SYN3: variants seen among roughly 807,000 people sequenced by gnomAD.
The protein encoded by SYN3 is synapsin III.
Under a neutral mutation model 65.8 loss-of-function variants are expected in SYN3, and 35 were observed. The observed-to-expected ratio is 0.53, with a 90% confidence interval of 0.41 to 0.70. The LOEUF (loss-of-function observed/expected upper bound fraction) is 0.70. Among genes scored for constraint, SYN3 ranks in the 30% least tolerant of loss-of-function variants. The pLI is 0.00. For synonymous variants in SYN3, 270 were observed against 292.9 expected (o/e 0.92, Z 0.80); for missense variants, 680 against 749.0 (o/e 0.91, Z 1.08).
intron 1 of SYN3, among the ~76,000 whole-genome samples, chr22:33,021,597 T>G (rs911325659): frequency 2.0e-5 from 3 of 152,204 alleles, no homozygotes; most frequent in Admixed American, 1.3e-4. Flanking sequence ...CACTGTCTGT[T>G]CCTTCATCTG....
chr22:33,046,615 G>T (rs1323033961), intron 1 of SYN3, among the ~76,000 whole-genome samples: 1 of 152,014 alleles, frequency 6.6e-6, no homozygotes, highest in Non-Finnish European at 1.5e-5. Flanking sequence ...GGCCGAGGCA[G>T]GTGGATCACG....
At chr22:32,765,132 G>A (rs1440972199) in intron 6 of SYN3, among the ~76,000 whole-genome samples, 1 of 152,106 alleles carries the variant, frequency 6.6e-6, no homozygotes, top group African/African-American at 2.4e-5. Context: ...GAGAGTGTGT[G>A]AGTGTGGACT....
intron 4 of SYN3, among the ~76,000 whole-genome samples, chr22:32,883,489 G>A (rs1362679158): frequency 6.6e-6 from 1 of 152,142 alleles, no homozygotes; most frequent in African/African-American, 2.4e-5. Flanking sequence ...CTAGTTTAGT[G>A]GCTCGCCAAT....
chr22:32,735,784 T>A (rs2061330291), intron 6 of SYN3, among the ~76,000 whole-genome samples: 2 of 152,218 alleles, frequency 1.3e-5, no homozygotes, highest in South Asian at 4.1e-4. Context: ...CATCCTTTTA[T>A]GAGCTAATAT....
At chr22:32,770,120 C>A (rs1398047268) in intron 6 of SYN3, among the ~76,000 whole-genome samples, 2 of 152,118 alleles carry the variant, frequency 1.3e-5, no homozygotes, top group South Asian at 2.1e-4. Context: ...CTTGGAGTCA[C>A]CCTTAACTTT....
At chr22:32,990,810 G>A (rs889224622) in intron 2 of SYN3, among the ~76,000 whole-genome samples, 4 of 152,168 alleles carry the variant, frequency 2.6e-5, no homozygotes, top group Admixed American at 2.0e-4. Flanking sequence ...TACTTTGGGA[G>A]GCTGAGGTGG....
intron 6 of SYN3, among the ~76,000 whole-genome samples, chr22:32,812,629 TCA>T (rs2046945616): frequency 6.6e-6 from 1 of 152,220 alleles, no homozygotes. Flanking sequence ...GAGCAGTGCC[TCA>T]CTCTGGAAAA....
At chr22:32,770,336 C>G (rs1159532388) in intron 6 of SYN3, among the ~76,000 whole-genome samples, 1 of 152,198 alleles carries the variant, frequency 6.6e-6, no homozygotes, top group African/African-American at 2.4e-5. Context: ...AAATGCCACT[C>G]TTCTGCTCAA....
At chr22:32,800,335 C>G (rs1191264877) in intron 6 of SYN3, among the ~76,000 whole-genome samples, 1 of 152,158 alleles carries the variant, frequency 6.6e-6, no homozygotes, top group Non-Finnish European at 1.5e-5. Context: ...GATGGAACAG[C>G]TGCTGACGTT....
chr22:32,985,476 C>T (rs943847769), intron 2 of SYN3, among the ~76,000 whole-genome samples: 1 of 152,208 alleles, frequency 6.6e-6, no homozygotes, highest in African/African-American at 2.4e-5. Flanking sequence ...CCAGACCCTT[C>T]ACATCCTTCC....
At chr22:32,923,697 A>G (rs2050394173) in intron 4 of SYN3, among the ~76,000 whole-genome samples, 2 of 152,106 alleles carry the variant, frequency 1.3e-5, no homozygotes, top group African/African-American at 4.8e-5. Context: ...TTGTTTATTA[A>G]ACTTTTATTT....
At chr22:32,727,951 T>C (rs1364609143) in intron 6 of SYN3, among the ~76,000 whole-genome samples, 1 of 152,140 alleles carries the variant, frequency 6.6e-6, no homozygotes, top group African/African-American at 2.4e-5. Flanking sequence ...CCTACAACCA[T>C]CCGATCTTTG....
intron 1 of SYN3, among the ~76,000 whole-genome samples, chr22:33,041,360 G>A (rs113859895): frequency 9.9e-4 from 147 of 148,552 alleles, no homozygotes; most frequent in African/African-American, 3.6e-3. Flanking sequence ...GCGCGATCTC[G>A]GCTCACTGCA....
intron 7 of SYN3, among the ~76,000 whole-genome samples, chr22:32,554,284 T>C (rs2058459358): frequency 6.6e-6 from 1 of 152,142 alleles, no homozygotes; most frequent in Non-Finnish European, 1.5e-5. Context: ...GCCCAGATGG[T>C]CCCTCAATAC....
At chr22:32,960,627 T>C (rs1366437388) in intron 3 of SYN3, among the ~76,000 whole-genome samples, 1 of 152,152 alleles carries the variant, frequency 6.6e-6, no homozygotes, top group Non-Finnish European at 1.5e-5. Flanking sequence ...CAAATCCTGG[T>C]TATGTTTAAG....
intron 6 of SYN3, among the ~76,000 whole-genome samples, chr22:32,601,490 A>T (rs567893180): frequency 6.6e-6 from 1 of 152,098 alleles, no homozygotes; most frequent in Non-Finnish European, 1.5e-5. Flanking sequence ...TGTTAGCCAG[A>T]ATGGTCTGGA....
chr22:32,765,767 T>C (rs2045608215), intron 6 of SYN3, among the ~76,000 whole-genome samples: 1 of 152,042 alleles, frequency 6.6e-6, no homozygotes, highest in African/African-American at 2.4e-5. Context: ...AGATTGGGTG[T>C]TCAAAAAAAG....
chr22:32,620,995 G>C (rs1337766398), intron 6 of SYN3, among the ~76,000 whole-genome samples: 1 of 152,188 alleles, frequency 6.6e-6, no homozygotes, highest in Non-Finnish European at 1.5e-5. Context: ...TGGGATTACA[G>C]GTGTGAGCCA....
intron 7 of SYN3, among the ~76,000 whole-genome samples, chr22:32,578,865 T>C (rs887320206): frequency 6.6e-6 from 1 of 152,190 alleles, no homozygotes; most frequent in East Asian, 1.9e-4. Flanking sequence ...TTGTAGGACA[T>C]AAAAACTATT....
Sources: gnomAD v4.1 joint callset for allele counts (sites outside exome capture counted in the v4.1 genomes callset) on GRCh38, gnomAD v4.1.1 for gene constraint, MANE v1.5 for transcripts, NCBI Gene and HGNC (gene_info 2026-07-23, HGNC 2026-07-21) for gene names.